Variants in PTPN2 observed in about 807,000 individuals in gnomAD.
PTPN2 encodes the protein protein tyrosine phosphatase non-receptor type 2.
In PTPN2, 19 loss-of-function variants were observed where a neutral mutation model predicts 57.3. The observed-to-expected ratio is 0.33, with a 90% CI of 0.23 to 0.49. PTPN2 has a LOEUF of 0.49. PTPN2 is among the 20% of genes least tolerant of loss of function. The pLI is 0.99. For synonymous variants in PTPN2, 153 were observed against 164.9 expected (o/e 0.93, Z 0.55); for missense variants, 358 against 501.1 (o/e 0.71, Z 2.73).
intron 2 of PTPN2, among the ~76,000 whole-genome samples, chr18:12,847,048 C>A (rs200009495): frequency 5.2e-4 from 76 of 145,906 alleles, no homozygotes; most frequent in Admixed American, 4.1e-4. Flanking sequence ...TTTGTCAGTC[C>A]AAAAAAAAAA....
chr18:12,807,913 GTGGCTCATGCCTGCAA>G (rs2041744175), intron 7 of PTPN2, among the ~76,000 whole-genome samples: 1 of 152,040 alleles, frequency 6.6e-6, no homozygotes, highest in African/African-American at 2.4e-5. Flanking sequence ...ACAGGGTGTG[GTGGCTCATGCCTGCAA>G]TTCTAGCAGT....
At chr18:12,842,044 T>C (rs959073226) in intron 2 of PTPN2, among the ~76,000 whole-genome samples, 2 of 152,202 alleles carry the variant, frequency 1.3e-5, no homozygotes, top group African/African-American at 4.8e-5. Flanking sequence ...GTAGCTGGGA[T>C]TACAGGCATG....
chr18:12,805,276 G>A (rs1365261908), intron 7 of PTPN2, among the ~76,000 whole-genome samples: 1 of 151,876 alleles, frequency 6.6e-6, no homozygotes, highest in Admixed American at 6.6e-5. Flanking sequence ...GGCCAACATG[G>A]TGAAACCCCA....
intron 1 of PTPN2, among the ~76,000 whole-genome samples, chr18:12,878,658 C>T (rs919152486): frequency 2.0e-5 from 3 of 152,094 alleles, no homozygotes; most frequent in African/African-American, 7.2e-5. Context: ...GGGGACAGAG[C>T]AAGACTTGGT....
In PTPN2 at chr18:12,814,286, T is replaced by C; in HGVS notation, c.775A>G (p.Ile259Val). Residue 259 changes from isoleucine to valine, a missense_variant, in exon 7 of 9, where the codon ATT becomes GTT. Ile to Val is a conservative substitution (Grantham distance 29). Transcript: ENST00000309660. ...LNMRKYRMGL[I>V]QTPDQLRFSY... ...AATCTCAGTTGATCTGGGGTCTGAATAAGACCCATTCGGTATTTTCTCATG... is the reference window on the plus strand; with the variant it reads ...AATCTCAGTTGATCTGGGGTCTGAACAAGACCCATTCGGTATTTTCTCATG... The C allele has an allele frequency of 1.9e-6, 3 of 1,609,070 alleles. No individual in the cohort carries two copies. The highest frequency in any genetic ancestry group is 2.5e-6 in the Non-Finnish European group (3 of 1,176,886).
At position 12,795,027 on chromosome 18, in the gene PTPN2, C is replaced by A. The variant is rs75427173; in HGVS notation, c.1041-542G>T. 3.7e-3 allele frequency among the ~76,000 whole-genome samples: 567 copies of A among 152,266 alleles called. 7 individuals are homozygous for A. Among genetic ancestry groups the A allele is most frequent in the African/African-American group, 0.013 (544 of 41,534 alleles). Reference sequence around the variant, plus strand: ...GCTTTTAGTGGGACCTGAAAATAAGCAAGGTACTTTCTTGACACGTGAATT... The same window carrying A: ...GCTTTTAGTGGGACCTGAAAATAAGAAAGGTACTTTCTTGACACGTGAATT... On this transcript the variant is annotated intron_variant, in intron 8 of 8. Coordinates refer to ENST00000309660, the MANE Select transcript of PTPN2 (RefSeq NM_002828.4).
chr18:12,800,886 T>C (rs1254201206), intron 8 of PTPN2, among the ~76,000 whole-genome samples: 4 of 152,262 alleles, frequency 2.6e-5, no homozygotes, highest in South Asian at 2.1e-4. Flanking sequence ...AGAAATGTAA[T>C]TGTAATTTAA....
intron 2 of PTPN2, among the ~76,000 whole-genome samples, chr18:12,857,645 G>A (rs1462276865): frequency 6.6e-6 from 1 of 152,148 alleles, no homozygotes; most frequent in African/African-American, 2.4e-5. Context: ...CAGAGATTTG[G>A]AGGCAGGGGA....
At chr18:12,832,125 A>G (rs909149594) in intron 3 of PTPN2, among the ~76,000 whole-genome samples, 3 of 152,062 alleles carry the variant, frequency 2.0e-5, no homozygotes, top group African/African-American at 4.8e-5. Flanking sequence ...GACTAAAAGC[A>G]TTTTTTATTT....
intron 8 of PTPN2, among the ~76,000 whole-genome samples, chr18:12,799,453 CT>C (rs1188664417): frequency 4.0e-5 from 6 of 151,782 alleles, no homozygotes; most frequent in Non-Finnish European, 7.4e-5. Context: ...ACTTGAAATT[CT>C]TTTGATAAGA....
intron 2 of PTPN2, among the ~76,000 whole-genome samples, chr18:12,854,814 A>C (rs1349071628): frequency 1.3e-5 from 2 of 152,158 alleles, no homozygotes; most frequent in Non-Finnish European, 2.9e-5. Flanking sequence ...AAAATAGGGG[A>C]GGGGCCAAAG....
intron 1 of PTPN2, among the ~76,000 whole-genome samples, chr18:12,876,723 G>A (rs1372037683): frequency 1.3e-5 from 2 of 152,142 alleles, no homozygotes; most frequent in Non-Finnish European, 2.9e-5. Context: ...ACTGACAAAA[G>A]CTACAGAATC....
chr18:12,863,112 G>A (rs1352137593), intron 1 of PTPN2: 2 of 152,182 alleles, frequency 1.3e-5, no homozygotes, highest in African/African-American at 2.4e-5. Flanking sequence ...ATAAGGCAAA[G>A]CCAGCTCTAC....
intron 3 of PTPN2, among the ~76,000 whole-genome samples, chr18:12,832,596 T>C (rs922854510): frequency 2.6e-5 from 4 of 152,234 alleles, no homozygotes; most frequent in Admixed American, 1.3e-4. Flanking sequence ...TATTTTTCTA[T>C]TACTTGATCT....
chr18:12,807,582 A>ATAT (rs764663687), intron 7 of PTPN2, among the ~76,000 whole-genome samples: 28 of 61,490 alleles, frequency 4.6e-4, no homozygotes, highest in African/African-American at 9.1e-4. Flanking sequence ...AAAAAAAAAA[A>ATAT]AAAAATATAT....
chr18:12,788,054 A>G (rs1169664569), downstream of PTPN2: 2 of 154,862 alleles, frequency 1.3e-5, no homozygotes, highest in Non-Finnish European at 2.9e-5. Context: ...GATGCTCTAC[A>G]GATGACTTAC....
chr18:12,837,314 C>T (rs2042901710), intron 2 of PTPN2, among the ~76,000 whole-genome samples: 2 of 152,106 alleles, frequency 1.3e-5, no homozygotes, highest in African/African-American at 4.8e-5. Context: ...TCAACCTCTT[C>T]ATTTCTCAAC....
At chr18:12,808,117 A>T (rs2041752814) in intron 7 of PTPN2, among the ~76,000 whole-genome samples, 1 of 152,240 alleles carries the variant, frequency 6.6e-6, no homozygotes, top group Admixed American at 6.5e-5. Context: ...CAGGAGGCGG[A>T]GGCTACAGTG....
chr18:12,814,423 T>C lies in PTPN2; in HGVS notation c.706-68A>G, dbSNP rs916357239. On this transcript the variant is annotated intron_variant, in intron 6 of 8. Transcript: ENST00000309660. Reference sequence around the variant, plus strand: ...CCCAGGAAACAGAATCAATGCAAGATCATTGCTAAGATTTTTGCTATGCAT... The same window carrying C: ...CCCAGGAAACAGAATCAATGCAAGACCATTGCTAAGATTTTTGCTATGCAT... 3.2e-5 allele frequency: 43 copies of C among 1,350,928 alleles called. No homozygotes were observed. The Middle Eastern group carries it at 7.5e-4, about 24-fold the overall frequency. The allele number at this position is 1,350,928 out of a possible 1,614,324, so 83.7% of individuals were successfully genotyped here.
Sources: gnomAD v4.1 joint callset for allele counts (sites outside exome capture counted in the v4.1 genomes callset) on GRCh38, gnomAD v4.1.1 for gene constraint, MANE v1.5 for transcripts, NCBI Gene and HGNC (gene_info 2026-07-23, HGNC 2026-07-21) for gene names.